Variants in IGSF21 observed in about 807,000 individuals in gnomAD.
IGSF21 encodes the protein immunoglobin superfamily member 21.
A neutral mutation model predicts 46.8 loss-of-function variants in IGSF21; 28 were observed. That is an observed-to-expected ratio of 0.60 (90% confidence interval 0.44 to 0.82). The LOEUF is 0.82. Among genes scored for constraint, IGSF21 ranks in the 40% least tolerant of loss-of-function variants. The pLI is 0.00. For synonymous variants in IGSF21, 284 were observed against 273.6 expected, an observed-to-expected ratio of 1.04 and a Z score of -0.38; for missense variants, 624 against 665.5, an observed-to-expected ratio of 0.94 and a Z score of 0.69.
At chr1:18,297,133 C>T (rs534331250) in intron 3 of IGSF21, among the ~76,000 whole-genome samples, 164 of 152,258 alleles carry the variant, frequency 1.1e-3, no homozygotes, top group African/African-American at 3.8e-3. Context: ...AGACTGGAAG[C>T]CCCATGAGGA....
chr1:18,205,015 A>G (rs543222546), intron 1 of IGSF21, among the ~76,000 whole-genome samples: 1 of 152,346 alleles, frequency 6.6e-6, no homozygotes, highest in East Asian at 1.9e-4. Flanking sequence ...GAAAAGTTTT[A>G]GATCGTTATC....
intron 1 of IGSF21, among the ~76,000 whole-genome samples, chr1:18,172,701 C>T (rs1291119492): frequency 6.6e-6 from 1 of 152,238 alleles, no homozygotes; most frequent in Non-Finnish European, 1.5e-5. Context: ...CCTGCAAATG[C>T]AGTCACATTG....
At chr1:18,174,717 T>C (rs1316595528) in intron 1 of IGSF21, among the ~76,000 whole-genome samples, 1 of 152,240 alleles carries the variant, frequency 6.6e-6, no homozygotes, top group Non-Finnish European at 1.5e-5. Context: ...TCACGTCTGT[T>C]CGACACTGGC....
At chr1:18,287,096 G>A (rs1235708177) in intron 2 of IGSF21, among the ~76,000 whole-genome samples, 8 of 150,756 alleles carry the variant, frequency 5.3e-5, no homozygotes, top group Non-Finnish European at 8.9e-5. Context: ...CAGGAGAATG[G>A]CGTGAACCCG....
chr1:18,305,641 A>T (rs2085418657), intron 3 of IGSF21, among the ~76,000 whole-genome samples: 1 of 152,234 alleles, frequency 6.6e-6, no homozygotes, highest in Non-Finnish European at 1.5e-5. Flanking sequence ...CAGATGAATC[A>T]TCAGGTTTTT....
chr1:18,210,297 C>T (rs762830390), intron 1 of IGSF21, among the ~76,000 whole-genome samples: 2 of 152,172 alleles, frequency 1.3e-5, no homozygotes, highest in Non-Finnish European at 2.9e-5. Flanking sequence ...GACTCCTTTG[C>T]TTTGCAGAAT....
chr1:18,155,590 C>T (rs575147803), intron 1 of IGSF21, among the ~76,000 whole-genome samples: 10 of 152,336 alleles, frequency 6.6e-5, no homozygotes, highest in South Asian at 2.1e-4. Flanking sequence ...TGCAGGGCCC[C>T]GGGTGCCCAA....
At chr1:18,153,611 C>G (rs1045052187) in intron 1 of IGSF21, among the ~76,000 whole-genome samples, 22 of 152,148 alleles carry the variant, frequency 1.4e-4, no homozygotes, top group African/African-American at 5.1e-4. Context: ...CTCCTTTCAT[C>G]CTCACCATCC....
In IGSF21 at chr1:18,316,951, G is replaced by C. The variant is rs574482330; in HGVS notation, c.306-17941G>C. Among the ~76,000 whole-genome samples, 18 of 152,320 alleles carry C rather than the reference G, an allele frequency of 1.2e-4. No homozygotes were observed. In the South Asian group the frequency reaches 3.5e-3, roughly 30 times the overall value. On this transcript the variant is annotated intron_variant, in intron 3 of 9. Transcript: ENST00000251296. ...TCAATGCTGGGGCTGCAAGTAGACA[G>C]AGTGGCTCATGGAGGTAACCTCAAG...
rs182871895 is a variant in IGSF21, at chr1:18,288,799, C to T, written c.184-3067C>T. Among the ~76,000 whole-genome samples, 218 of 152,310 alleles carry T rather than the reference C, an allele frequency of 1.4e-3. 1 individual carries two copies. The highest frequency in any genetic ancestry group is 2.0e-3 in the Non-Finnish European group (134 of 68,028). On this transcript the variant is annotated intron_variant, in intron 2 of 9. Coordinates refer to ENST00000251296, the MANE Select transcript of IGSF21 (RefSeq NM_032880.5). Reference sequence around the variant, plus strand: ...CAGACAGCTGGGACAGTGGGGCCTGCCCTCCAGATCCCTCACCCTGCAGCT... The same window carrying T: ...CAGACAGCTGGGACAGTGGGGCCTGTCCTCCAGATCCCTCACCCTGCAGCT...
intron 1 of IGSF21, among the ~76,000 whole-genome samples, chr1:18,185,542 A>G (rs1316454742): frequency 6.6e-6 from 1 of 152,202 alleles, no homozygotes; most frequent in Non-Finnish European, 1.5e-5. Context: ...GCCTATAGAC[A>G]GCTGGGGTAT....
rs980962026 is a variant in IGSF21, at chr1:18,261,721, G to A, written c.184-30145G>A. Among the ~76,000 whole-genome samples, 7 of 152,318 alleles carry A rather than the reference G, an allele frequency of 4.6e-5. No individual in the cohort carries two copies. In the East Asian group the frequency reaches 5.8e-4, roughly 13 times the overall value. On this transcript the variant is annotated intron_variant, in intron 2 of 9. Coordinates refer to ENST00000251296, the MANE Select transcript of IGSF21 (RefSeq NM_032880.5). ...CTCAGAACTCACTCTCACCATCAGC[G>A]TCCAGAATGTCTCCCTGCCTTAACC...
intron 2 of IGSF21, among the ~76,000 whole-genome samples, chr1:18,275,045 A>AACAAAC (rs1402520391): frequency 3.9e-5 from 6 of 152,054 alleles, no homozygotes; most frequent in Non-Finnish European, 2.9e-5. Flanking sequence ...CAAACAAACA[A>AACAAAC]AAAAGAAGTG....
intron 4 of IGSF21, among the ~76,000 whole-genome samples, chr1:18,360,980 T>C (rs941088443): frequency 6.6e-6 from 1 of 151,996 alleles, no homozygotes; most frequent in Non-Finnish European, 1.5e-5. Flanking sequence ...CCCCACGGTG[T>C]CTGGGAGCAA....
intron 1 of IGSF21, among the ~76,000 whole-genome samples, chr1:18,153,822 C>T (rs905224195): frequency 2.0e-5 from 3 of 152,110 alleles, no homozygotes; most frequent in South Asian, 2.1e-4. Flanking sequence ...GCAGCGTCTG[C>T]GAATCCATCC....
rs543894766 is a variant in IGSF21, at chr1:18,229,804, G to A, written c.183+1794G>A. On this transcript the variant is annotated intron_variant, in intron 2 of 9. Transcript: ENST00000251296. Reference sequence around the variant, plus strand: ...GGAACTGCTTGGCTGACACAGGCTGGGAGCATCTCATTAGCACCTGGCAGA... The same window carrying A: ...GGAACTGCTTGGCTGACACAGGCTGAGAGCATCTCATTAGCACCTGGCAGA... 2.0e-5 allele frequency among the ~76,000 whole-genome samples: 3 copies of A among 152,314 alleles called. No individual in the cohort carries two copies. The East Asian group carries it at 5.8e-4, about 29-fold the overall frequency.
chr1:18,300,878 G>A (rs999070772), intron 3 of IGSF21, among the ~76,000 whole-genome samples: 2 of 152,112 alleles, frequency 1.3e-5, no homozygotes, highest in African/African-American at 4.8e-5. Flanking sequence ...CAGACTGCAG[G>A]AATCTGCTCT....
chr1:18,241,728 G>A lies in IGSF21; in HGVS notation c.183+13718G>A, dbSNP rs115391372. Among the ~76,000 whole-genome samples the A allele has an allele frequency of 2.6e-3, 401 of 152,254 alleles. 5 individuals are homozygous for A. Among genetic ancestry groups the A allele is most frequent in the African/African-American group, 8.6e-3 (356 of 41,542 alleles). On this transcript the variant is annotated intron_variant, in intron 2 of 9. Coordinates refer to ENST00000251296, the MANE Select transcript of IGSF21 (RefSeq NM_032880.5). ...ATGAATGCCACTGCTGTAGCGGTGC[G>A]TTCAGGTCAGGTGCTGCGCTAGGTA... is the stretch of plus-strand genomic sequence containing the variant.
rs192280105 is a variant in IGSF21, at chr1:18,137,487, G to A, written c.70+29289G>A. On this transcript the variant is annotated intron_variant, in intron 1 of 9. Coordinates refer to ENST00000251296, the MANE Select transcript of IGSF21 (RefSeq NM_032880.5). ...CCACTGTTATTCTTGTTTCACAGAT[G>A]GGGAAACTGAGGCTCTGAGACATGC... 1.7e-3 allele frequency among the ~76,000 whole-genome samples: 258 copies of A among 152,208 alleles called. 3 individuals carry two copies. The highest frequency in any genetic ancestry group is 7.2e-4 in the Non-Finnish European group (49 of 68,026).
Sources: allele counts gnomAD v4.1 joint callset (sites outside exome capture counted in the v4.1 genomes callset), GRCh38; gene constraint gnomAD v4.1.1; transcripts MANE v1.5; gene names NCBI Gene and HGNC (gene_info 2026-07-23, HGNC 2026-07-21).